CTTNBP2NL: variants seen among roughly 807,000 people sequenced by gnomAD.
The protein encoded by CTTNBP2NL is CTTNBP2 N-terminal like.
A neutral mutation model predicts 32.5 loss-of-function variants in CTTNBP2NL; 16 were observed. That is an observed-to-expected ratio of 0.49 (90% confidence interval 0.33 to 0.75). The LOEUF is 0.75. Ranked by LOEUF, CTTNBP2NL falls within the 30% of genes least tolerant of loss-of-function variation. The pLI, the probability that CTTNBP2NL is intolerant of heterozygous loss-of-function variation, is 0.02. For missense variants in CTTNBP2NL, 645 were observed against 756.0 expected (o/e 0.85, Z 1.72); for synonymous variants, 298 against 289.4 (o/e 1.03, Z -0.30).
chr1:112,450,747 A>G (rs1450880411), intron 4 of CTTNBP2NL, among the ~76,000 whole-genome samples: 2 of 151,208 alleles, frequency 1.3e-5, no homozygotes, highest in Non-Finnish European at 2.9e-5. Flanking sequence ...TAAATTTTTG[A>G]AACAAAGTAC....
chr1:112,448,160 G>C (rs893882082), intron 3 of CTTNBP2NL, among the ~76,000 whole-genome samples: 1 of 152,128 alleles, frequency 6.6e-6, no homozygotes, highest in East Asian at 1.9e-4. Context: ...TCATCCCCAA[G>C]GCTCATCAAG....
intron 3 of CTTNBP2NL, among the ~76,000 whole-genome samples, chr1:112,431,961 A>G (rs2101016751): frequency 6.6e-6 from 1 of 152,228 alleles, no homozygotes; most frequent in Non-Finnish European, 1.5e-5. Context: ...TTAAATTAGA[A>G]AAAGAAATGG....
At chr1:112,413,725 G>A (rs995372251) in intron 2 of CTTNBP2NL, among the ~76,000 whole-genome samples, 6 of 152,034 alleles carry the variant, frequency 3.9e-5, no homozygotes, top group Non-Finnish European at 7.4e-5. Flanking sequence ...TAAAGTGAAC[G>A]TCATTTACTA....
At chr1:112,453,920 A>G (rs1650295077) in intron 4 of CTTNBP2NL, among the ~76,000 whole-genome samples, 1 of 152,214 alleles carries the variant, frequency 6.6e-6, no homozygotes, top group Non-Finnish European at 1.5e-5. Flanking sequence ...AAGAGAGTCT[A>G]TCCACCTCTT....
intron 2 of CTTNBP2NL, 23 bp downstream of exon 2, chr1:112,412,340 A>G (rs1367939589): frequency 6.6e-6 from 1 of 152,218 alleles, no homozygotes; most frequent in African/African-American, 2.4e-5. Flanking sequence ...CCTACCTCCA[A>G]GGATATCACT....
chr1:112,391,547 G>A (rs1196679289), upstream of CTTNBP2NL, among the ~76,000 whole-genome samples: 2 of 152,084 alleles, frequency 1.3e-5, no homozygotes, highest in Non-Finnish European at 2.9e-5. Flanking sequence ...AGATCGCTTG[G>A]ATACTGACAA....
At chr1:112,393,653 T>G (rs1254113613), upstream of CTTNBP2NL, among the ~76,000 whole-genome samples, 1 of 152,204 alleles carries the variant, frequency 6.6e-6, no homozygotes, top group Non-Finnish European at 1.5e-5. Context: ...CCCTGCCTGT[T>G]CCCTACTTCT....
chr1:112,439,305 G>A (rs1649829252), intron 3 of CTTNBP2NL, among the ~76,000 whole-genome samples: 1 of 151,958 alleles, frequency 6.6e-6, no homozygotes, highest in Non-Finnish European at 1.5e-5. Context: ...CCTGTTACTT[G>A]ATAACTTCTA....
At chr1:112,406,974 AC>A (rs937948377) in intron 1 of CTTNBP2NL, among the ~76,000 whole-genome samples, 1 of 152,224 alleles carries the variant, frequency 6.6e-6, no homozygotes, top group Non-Finnish European at 1.5e-5. Flanking sequence ...ATCCCTTGGC[AC>A]CATTGTAATT....
intron 3 of CTTNBP2NL, among the ~76,000 whole-genome samples, chr1:112,438,740 G>C (rs1175391057): frequency 6.6e-6 from 1 of 152,160 alleles, no homozygotes; most frequent in Non-Finnish European, 1.5e-5. Flanking sequence ...GCAGTCTTAG[G>C]TTGGGATTAC....
intron 1 of CTTNBP2NL, among the ~76,000 whole-genome samples, chr1:112,411,835 A>T (rs1648876904): frequency 6.6e-6 from 1 of 152,166 alleles, no homozygotes; most frequent in South Asian, 2.1e-4. Context: ...GGCACCCGCC[A>T]CCACGCCCGG....
At chr1:112,447,567 G>A (rs1650087357) in intron 3 of CTTNBP2NL, among the ~76,000 whole-genome samples, 1 of 151,910 alleles carries the variant, frequency 6.6e-6, no homozygotes, top group Non-Finnish European at 1.5e-5. Context: ...TTTACCATAA[G>A]GCTAAGTGAT....
intron 4 of CTTNBP2NL, among the ~76,000 whole-genome samples, chr1:112,450,661 G>A (rs1210007818): frequency 3.3e-5 from 5 of 152,116 alleles, no homozygotes; most frequent in Admixed American, 2.6e-4. Flanking sequence ...CTAGGTGATT[G>A]GAGAGAGGAA....
upstream of CTTNBP2NL, among the ~76,000 whole-genome samples, chr1:112,395,596 G>A (rs1456875827): frequency 2.6e-5 from 4 of 152,236 alleles, no homozygotes; most frequent in Non-Finnish European, 5.9e-5. Context: ...CTGGAAGGCA[G>A]GTCGGCTGGG....
intron 4 of CTTNBP2NL, among the ~76,000 whole-genome samples, chr1:112,449,784 A>G (rs1650166471): frequency 1.3e-5 from 2 of 150,804 alleles, no homozygotes; most frequent in Admixed American, 1.3e-4. Flanking sequence ...TAAAATAGGA[A>G]GGCAAACCTT....
intron 3 of CTTNBP2NL, among the ~76,000 whole-genome samples, chr1:112,436,073 T>TGC (rs1557893270): frequency 3.4e-5 from 5 of 146,932 alleles, no homozygotes; most frequent in East Asian, 2.0e-4. Flanking sequence ...GAGATTTGCT[T>TGC]TTTTTTTTGT....
chr1:112,461,004 G>C lies in CTTNBP2NL; in HGVS notation c.*3592G>C, dbSNP rs905904504. 2.0e-5 allele frequency: 3 copies of C among 152,136 alleles called. No homozygotes were observed. Among genetic ancestry groups the C allele is most frequent in the Admixed American group, 2.0e-4 (3 of 15,260 alleles). 9.4% of individuals were successfully genotyped at this position (152,136 alleles called of 1,614,324 possible). ...CAAAACACTGGCTTCAAAATAGGATGTGTTTTCCTAATGAATCAGAAGTGG... is the reference window on the plus strand; with the variant it reads ...CAAAACACTGGCTTCAAAATAGGATCTGTTTTCCTAATGAATCAGAAGTGG... On this transcript the variant is annotated 3_prime_UTR_variant, in exon 6 of 6. Coordinates refer to ENST00000271277, the MANE Select transcript of CTTNBP2NL (RefSeq NM_018704.3).
chr1:112,450,279 G>C (rs573329951), intron 4 of CTTNBP2NL, among the ~76,000 whole-genome samples: 1 of 152,294 alleles, frequency 6.6e-6, no homozygotes, highest in South Asian at 2.1e-4. Context: ...ATAGGCCTCA[G>C]ATGTTCCACA....
At chr1:112,452,564 GA>G (rs1650255542) in intron 4 of CTTNBP2NL, among the ~76,000 whole-genome samples, 1 of 149,452 alleles carries the variant, frequency 6.7e-6, no homozygotes, top group East Asian at 2.0e-4. Flanking sequence ...GGCTGGTCTC[GA>G]ACTCCCAACC....
Sources: allele counts gnomAD v4.1 joint callset (sites outside exome capture counted in the v4.1 genomes callset), GRCh38; gene constraint gnomAD v4.1.1; transcripts MANE v1.5; gene names NCBI Gene and HGNC (gene_info 2026-07-23, HGNC 2026-07-21).